The following DGLUCY variants were observed in gnomAD, a reference collection of about 807,000 sequenced individuals.
The protein encoded by DGLUCY is D-glutamate cyclase, mitochondrial.
In DGLUCY, 58 loss-of-function variants were observed where a neutral mutation model predicts 58.5. That is an observed-to-expected ratio of 0.99 (90% CI 0.80 to 1.23). DGLUCY has a LOEUF of 1.23. Among genes scored for constraint, DGLUCY ranks in the 50% most tolerant of loss-of-function variants. DGLUCY has a pLI of 0.00. For missense variants in DGLUCY, 779 were observed against 784.7 expected (o/e 0.99, Z 0.09); for synonymous variants, 325 against 314.1 (o/e 1.03, Z -0.37).
At chr14:91,207,305 A>C (rs1252687614) in intron 12 of DGLUCY, among the ~76,000 whole-genome samples, 1 of 151,976 alleles carries the variant, frequency 6.6e-6, no homozygotes, top group Non-Finnish European at 1.5e-5. Context: ...AAAAGCTGCC[A>C]AAACTGAAAA....
intron 1 of DGLUCY, chr14:91,148,857 G>A (rs2047152771): frequency 6.6e-6 from 1 of 152,284 alleles, no homozygotes; most frequent in African/African-American, 2.4e-5. Flanking sequence ...GCTGAGGTAG[G>A]AGGATCGCTT....
chr14:91,147,109 A>T (rs904656936), intron 1 of DGLUCY, among the ~76,000 whole-genome samples: 1 of 152,046 alleles, frequency 6.6e-6, no homozygotes, highest in Non-Finnish European at 1.5e-5. Flanking sequence ...TCCTCAGGAA[A>T]CTCACTTAAG....
At chr14:91,096,589 A>G (rs182822034) in intron 1 of DGLUCY, among the ~76,000 whole-genome samples, 236 of 152,294 alleles carry the variant, frequency 1.5e-3, no homozygotes, top group South Asian at 4.1e-3. Flanking sequence ...GGGACTGACC[A>G]CAGCACAGTT....
chr14:91,175,980 C>CA lies in DGLUCY; in HGVS notation c.655dup (p.Met219AsnfsTer26). The stretch of plus-strand genomic sequence containing the variant: ...TTTCCAAACCTGCCTACGGGGATGC[C>CA]ATGGTGTGTCCCCCAGGGGAGGTTC... On this transcript the variant is annotated frameshift_variant, in exon 7 of 14. Coordinates refer to ENST00000256324, the MANE Select transcript of DGLUCY (RefSeq NM_001102368.3). LOFTEE classifies it high-confidence loss of function. 6.2e-7 allele frequency: 1 copy of CA among 1,614,074 alleles called. No homozygotes were observed. Among genetic ancestry groups the CA allele is most frequent in the South Asian group, 1.1e-5 (1 of 91,062 alleles).
At chr14:91,140,595 T>C (rs2046608047) in intron 1 of DGLUCY, among the ~76,000 whole-genome samples, 1 of 152,188 alleles carries the variant, frequency 6.6e-6, no homozygotes, top group South Asian at 2.1e-4. Context: ...CTCTTGAACC[T>C]GGGAGGCGGA....
chr14:91,079,540 G>A (rs910437016), intron 1 of DGLUCY, among the ~76,000 whole-genome samples: 4 of 151,996 alleles, frequency 2.6e-5, no homozygotes, highest in African/African-American at 9.7e-5. Flanking sequence ...TTTTAGTAGA[G>A]ACGGGGTTTC....
At chr14:91,126,783 T>C (rs1417333697) in intron 1 of DGLUCY, among the ~76,000 whole-genome samples, 1 of 152,182 alleles carries the variant, frequency 6.6e-6, no homozygotes, top group Non-Finnish European at 1.5e-5. Context: ...TAATTGCATC[T>C]ACAAAGACCC....
At chr14:91,112,425 G>C (rs2044720521), upstream of DGLUCY, among the ~76,000 whole-genome samples, 2 of 152,122 alleles carry the variant, frequency 1.3e-5, no homozygotes, top group Non-Finnish European at 2.9e-5. Flanking sequence ...AGGAAAGCTG[G>C]GGCTGGAGAA....
At chr14:91,076,205 C>T (rs912954257) in intron 1 of DGLUCY, among the ~76,000 whole-genome samples, 8 of 152,040 alleles carry the variant, frequency 5.3e-5, no homozygotes, top group Admixed American at 3.9e-4. Flanking sequence ...TACAGTCTCC[C>T]TCAGTATCTG....
chr14:91,116,072 C>A (rs553218359), intron 1 of DGLUCY, among the ~76,000 whole-genome samples: 26 of 152,182 alleles, frequency 1.7e-4, no homozygotes, highest in Non-Finnish European at 3.4e-4. Flanking sequence ...ATTAATATCT[C>A]CCTTTTTCAG....
At chr14:91,178,108 A>G (rs1330881077) in intron 7 of DGLUCY, among the ~76,000 whole-genome samples, 4 of 152,198 alleles carry the variant, frequency 2.6e-5, no homozygotes, top group East Asian at 1.9e-4. Flanking sequence ...CGATAGCACA[A>G]TTGATCGTAG....
chr14:91,191,552 G>T (rs543646489), intron 9 of DGLUCY, among the ~76,000 whole-genome samples: 1 of 152,100 alleles, frequency 6.6e-6, no homozygotes, highest in Non-Finnish European at 1.5e-5. Context: ...GAAGGTGCAC[G>T]TTCCCTCCTT....
At chr14:91,190,776 C>T (rs953736980) in intron 9 of DGLUCY, among the ~76,000 whole-genome samples, 1 of 151,994 alleles carries the variant, frequency 6.6e-6, no homozygotes, top group Admixed American at 6.6e-5. Context: ...CCTCGCAGGA[C>T]CCTGTGGGCA....
intron 1 of DGLUCY, among the ~76,000 whole-genome samples, chr14:91,098,496 T>C (rs2044432101): frequency 6.6e-6 from 1 of 152,092 alleles, no homozygotes; most frequent in Non-Finnish European, 1.5e-5. Flanking sequence ...GAGCTTTGAG[T>C]GTGTATTACC....
chr14:91,067,288 C>T (rs1002086083), intron 1 of DGLUCY, among the ~76,000 whole-genome samples: 21 of 151,564 alleles, frequency 1.4e-4, no homozygotes, highest in Non-Finnish European at 2.8e-4. Flanking sequence ...TTAGGTGGTA[C>T]ATGGACAGTC....
intron 2 of DGLUCY, among the ~76,000 whole-genome samples, chr14:91,159,318 A>G (rs765258815): frequency 6.6e-6 from 1 of 152,048 alleles, no homozygotes; most frequent in African/African-American, 2.4e-5. Flanking sequence ...GTCGTGGCAC[A>G]TACCTGTAAT....
chr14:91,103,559 A>G (rs187339907), upstream of DGLUCY, among the ~76,000 whole-genome samples: 2 of 152,244 alleles, frequency 1.3e-5, no homozygotes, highest in East Asian at 1.9e-4. Flanking sequence ...TCCTTCTCTT[A>G]TACCAGAGCA....
chr14:91,102,743 ATGTGTGTGTGTGTGTGTGTGTG>A (rs548653144), intron 1 of DGLUCY, among the ~76,000 whole-genome samples: 4 of 130,586 alleles, frequency 3.1e-5, no homozygotes, highest in Non-Finnish European at 6.5e-5. Context: ...TCCAGTGTGT[ATGTGTGTGTGTGTGTGTGTGTG>A]TGTGTGTGTG....
intron 11 of DGLUCY, among the ~76,000 whole-genome samples, chr14:91,204,366 C>T (rs1046342328): frequency 1.3e-5 from 2 of 152,126 alleles, no homozygotes; most frequent in Non-Finnish European, 2.9e-5. Context: ...GCTCAGTGAG[C>T]GGGAGCCACT....
Sources: allele counts gnomAD v4.1 joint callset (sites outside exome capture counted in the v4.1 genomes callset), GRCh38; gene constraint gnomAD v4.1.1; transcripts MANE v1.5; gene names NCBI Gene and HGNC (gene_info 2026-07-23, HGNC 2026-07-21).